Variants in CHCHD6 observed in about 807,000 individuals in gnomAD.
The protein encoded by CHCHD6 is MICOS complex subunit MIC25.
A neutral mutation model predicts 32.3 loss-of-function variants in CHCHD6; 28 were observed. That is an observed-to-expected ratio of 0.87 (90% confidence interval 0.64 to 1.19). CHCHD6 has a LOEUF of 1.19. Among genes scored for constraint, CHCHD6 ranks in the 50% most tolerant of loss-of-function variants. The probability of loss-of-function intolerance (pLI) is 0.00; values close to 1 mark genes in which losing one functional copy is unlikely to be tolerated. For synonymous variants in CHCHD6, 122 were observed against 117.5 expected (o/e 1.04, Z -0.25); for missense variants, 333 against 307.0 (o/e 1.08, Z -0.63).
intron 7 of CHCHD6, 188 bp downstream of exon 7, chr3:126,957,739 T>G: frequency 2.8e-6 from 2 of 712,594 alleles, no homozygotes; most frequent in Non-Finnish European, 4.8e-6. Context: ...CCTGGCTGCT[T>G]CCAGGAGCGC....
At chr3:126,728,581 C>T (rs1935646133) in intron 2 of CHCHD6, among the ~76,000 whole-genome samples, 2 of 152,224 alleles carry the variant, frequency 1.3e-5, no homozygotes, top group South Asian at 4.1e-4. Context: ...CTCACTTACT[C>T]CCCACGCTGG....
intron 2 of CHCHD6, among the ~76,000 whole-genome samples, chr3:126,729,009 C>A (rs1242686741): frequency 2.0e-5 from 3 of 152,024 alleles, no homozygotes; most frequent in Non-Finnish European, 4.4e-5. Flanking sequence ...AAATTAAATT[C>A]TTCTCATACT....
chr3:126,896,484 A>G (rs1281345655), intron 5 of CHCHD6, among the ~76,000 whole-genome samples: 2 of 152,156 alleles, frequency 1.3e-5, no homozygotes, highest in Non-Finnish European at 1.5e-5. Flanking sequence ...CAGTCTCCAC[A>G]TAGCCCATCT....
At chr3:126,927,822 A>G (rs527626587) in intron 6 of CHCHD6, among the ~76,000 whole-genome samples, 2 of 152,172 alleles carry the variant, frequency 1.3e-5, no homozygotes, top group South Asian at 4.1e-4. Flanking sequence ...CATTGCTGTT[A>G]GATTTATTTT....
intron 5 of CHCHD6, among the ~76,000 whole-genome samples, chr3:126,861,978 C>T (rs1490690443): frequency 1.3e-5 from 1 of 74,180 alleles, no homozygotes. Context: ...CCTCCTCCAC[C>T]ATCACCACCT....
intron 4 of CHCHD6, among the ~76,000 whole-genome samples, chr3:126,801,539 A>G (rs1380164744): frequency 6.6e-6 from 1 of 152,236 alleles, no homozygotes; most frequent in East Asian, 1.9e-4. Flanking sequence ...AGGCTTGCTT[A>G]GGTAAACAAA....
At chr3:126,806,950 A>C (rs553540521) in intron 4 of CHCHD6, among the ~76,000 whole-genome samples, 6 of 151,414 alleles carry the variant, frequency 4.0e-5, no homozygotes, top group African/African-American at 1.5e-4. Flanking sequence ...TCGCAAGGAC[A>C]AAAAACGAAA....
chr3:126,956,772 A>C (rs2078791544), intron 6 of CHCHD6, among the ~76,000 whole-genome samples: 2 of 152,260 alleles, frequency 1.3e-5, no homozygotes, highest in Admixed American at 1.3e-4. Context: ...AACTACTTTG[A>C]AAAAGAAAGA....
At chr3:126,773,556 A>G (rs912936278) in intron 4 of CHCHD6, among the ~76,000 whole-genome samples, 1 of 105,186 alleles carries the variant, frequency 9.5e-6, no homozygotes, top group African/African-American at 3.6e-5. Context: ...ACTTTGGACT[A>G]TTTTTCAGAG....
chr3:126,899,618 A>T (rs887060726), intron 5 of CHCHD6, among the ~76,000 whole-genome samples: 1 of 152,130 alleles, frequency 6.6e-6, no homozygotes. Flanking sequence ...CACCCAGAAG[A>T]CAGAAGTTTG....
chr3:126,821,441 G>A (rs761219785), intron 4 of CHCHD6, among the ~76,000 whole-genome samples: 4 of 152,034 alleles, frequency 2.6e-5, no homozygotes, highest in Non-Finnish European at 5.9e-5. Context: ...GGGATTACAG[G>A]TGCCCACCAC....
At chr3:126,714,243 T>TA in intron 1 of CHCHD6, among the ~76,000 whole-genome samples, 1 of 152,264 alleles carries the variant, frequency 6.6e-6, no homozygotes, top group Non-Finnish European at 1.5e-5. Flanking sequence ...TCATTACAGT[T>TA]ACACCATGGT....
chr3:126,725,245 A>G (rs1444880512), intron 1 of CHCHD6, among the ~76,000 whole-genome samples: 3 of 152,212 alleles, frequency 2.0e-5, no homozygotes, highest in Non-Finnish European at 2.9e-5. Flanking sequence ...GGGCTACAGA[A>G]TGGATGCTGT....
chr3:126,826,048 A>G (rs1038356999), intron 4 of CHCHD6, among the ~76,000 whole-genome samples: 1 of 152,246 alleles, frequency 6.6e-6, no homozygotes, highest in Non-Finnish European at 1.5e-5. Flanking sequence ...ACCTGCTAAT[A>G]AAAATACTCA....
intron 4 of CHCHD6, among the ~76,000 whole-genome samples, chr3:126,822,453 A>G (rs1163272507): frequency 6.6e-6 from 1 of 152,188 alleles, no homozygotes; most frequent in Non-Finnish European, 1.5e-5. Flanking sequence ...CCAGTACCAC[A>G]CTGTCTTGAT....
intron 2 of CHCHD6, among the ~76,000 whole-genome samples, chr3:126,727,416 C>G (rs1462176659): frequency 6.6e-6 from 1 of 152,222 alleles, no homozygotes; most frequent in Non-Finnish European, 1.5e-5. Flanking sequence ...GTGCCACTTT[C>G]TCCATGTGGG....
At chr3:126,833,117 A>T (rs948664888) in intron 4 of CHCHD6, among the ~76,000 whole-genome samples, 1 of 152,232 alleles carries the variant, frequency 6.6e-6, no homozygotes, top group Admixed American at 6.5e-5. Context: ...TGCCACTTGC[A>T]TGCACATGCA....
intron 6 of CHCHD6, among the ~76,000 whole-genome samples, chr3:126,934,740 G>T (rs2078454337): frequency 6.6e-6 from 1 of 151,670 alleles, no homozygotes; most frequent in African/African-American, 2.4e-5. Flanking sequence ...TAGTAGAGAT[G>T]GGGTTTCACC....
At chr3:126,909,484 AATCAGACAGTATGAAAT>A (rs1175365434) in intron 5 of CHCHD6, among the ~76,000 whole-genome samples, 1 of 152,244 alleles carries the variant, frequency 6.6e-6, no homozygotes, top group African/African-American at 2.4e-5. Flanking sequence ...CCCTTGGAGA[AATCAGACAGTATGAAAT>A]ATGAAAACTG....
Sources: gnomAD v4.1 joint callset for allele counts (sites outside exome capture counted in the v4.1 genomes callset) on GRCh38, gnomAD v4.1.1 for gene constraint, MANE v1.5 for transcripts, NCBI Gene and HGNC (gene_info 2026-07-23, HGNC 2026-07-21) for gene names.